Variants in AUTS2 observed in about 807,000 individuals in gnomAD.
AUTS2 encodes activator of transcription and developmental regulator AUTS2.
AUTS2 carries 17 observed loss-of-function variants against 112.4 expected under a neutral mutation model. The observed-to-expected ratio is 0.15, with a 90% CI of 0.10 to 0.23. The LOEUF (loss-of-function observed/expected upper bound fraction) is 0.23, where lower values mean the gene tolerates loss of function less well. Among genes scored for constraint, AUTS2 ranks in the 10% least tolerant of loss-of-function variants. The pLI is 1.00. For synonymous variants in AUTS2, 751 were observed against 702.7 expected (o/e 1.07, Z -1.09); for missense variants, 1,510 against 1,701.6 (o/e 0.89, Z 1.98).
chr7:69,688,322 G>GGTGC (rs1358213590), intron 1 of AUTS2, among the ~76,000 whole-genome samples: 2 of 152,146 alleles, frequency 1.3e-5, no homozygotes, highest in Admixed American at 1.3e-4. Flanking sequence ...GGTTGAATGA[G>GGTGC]GTGCTGGAAT....
At chr7:70,695,603 C>G (rs1465837898) in intron 5 of AUTS2, among the ~76,000 whole-genome samples, 2 of 152,248 alleles carry the variant, frequency 1.3e-5, no homozygotes, top group Non-Finnish European at 2.9e-5. Context: ...GGGTCTGCGT[C>G]CGAAGGGAGT....
intron 2 of AUTS2, among the ~76,000 whole-genome samples, chr7:69,975,889 T>A (rs1447992385): frequency 2.6e-5 from 4 of 152,078 alleles, no homozygotes; most frequent in African/African-American, 9.7e-5. Flanking sequence ...GGTTTCACCA[T>A]GTTGGCCAGG....
chr7:70,209,143 T>C (rs1225997635), intron 4 of AUTS2, among the ~76,000 whole-genome samples: 1 of 152,124 alleles, frequency 6.6e-6, no homozygotes, highest in East Asian at 1.9e-4. Context: ...CAGTGAAATG[T>C]AAAGTGGTTG....
chr7:70,743,767 T>C (rs1463091046), intron 6 of AUTS2, among the ~76,000 whole-genome samples: 1 of 152,196 alleles, frequency 6.6e-6, no homozygotes, highest in Non-Finnish European at 1.5e-5. Context: ...ATCTGCTTCC[T>C]CCCAGCACTG....
rs180821515 is a variant in AUTS2, at chr7:70,578,702, G to A, written c.691-119867G>A. Among the ~76,000 whole-genome samples the A allele has an allele frequency of 3.9e-5, 6 of 152,064 alleles. No individual in the cohort carries two copies. In the East Asian group the frequency reaches 1.2e-3, roughly 29 times the overall value. On this transcript the variant is annotated intron_variant, in intron 5 of 18. Coordinates refer to ENST00000342771, the MANE Select transcript of AUTS2 (RefSeq NM_015570.4). The stretch of plus-strand genomic sequence containing the variant: ...TGAGGAACGAGGCCTATTCTATACT[G>A]GGACCTACCCAAATTTTTCTTGTTT...
intron 6 of AUTS2, among the ~76,000 whole-genome samples, chr7:70,753,094 C>A (rs1055575793): frequency 6.6e-6 from 1 of 152,040 alleles, no homozygotes; most frequent in Admixed American, 6.6e-5. Flanking sequence ...CACTCAACTG[C>A]GGTGTGTTGC....
intron 5 of AUTS2, among the ~76,000 whole-genome samples, chr7:70,483,398 C>G (rs3113258): frequency 0.019 from 2,944 of 152,282 alleles, 107 homozygotes; most frequent in African/African-American, 0.067. Context: ...TTCCCTCTTC[C>G]AGAATAAACC....
At chr7:70,340,437 C>G (rs1334612686) in intron 4 of AUTS2, among the ~76,000 whole-genome samples, 1 of 152,096 alleles carries the variant, frequency 6.6e-6, no homozygotes, top group Non-Finnish European at 1.5e-5. Context: ...TTATTTCACA[C>G]TCTTCACATA....
At chr7:70,021,852 C>T (rs760533977) in intron 2 of AUTS2, among the ~76,000 whole-genome samples, 1 of 152,122 alleles carries the variant, frequency 6.6e-6, no homozygotes, top group Admixed American at 6.6e-5. Context: ...TTCAAATACA[C>T]AGGTTTATCT....
intron 1 of AUTS2, among the ~76,000 whole-genome samples, chr7:69,820,493 G>A (rs1007502774): frequency 1.3e-5 from 2 of 152,226 alleles, no homozygotes; most frequent in Non-Finnish European, 2.9e-5. Context: ...TTATGCTAAA[G>A]TTTGACAACT....
At chr7:69,888,918 A>G (rs974095321) in intron 1 of AUTS2, among the ~76,000 whole-genome samples, 3 of 152,190 alleles carry the variant, frequency 2.0e-5, no homozygotes, top group Admixed American at 6.5e-5. Context: ...CAAATAAACT[A>G]TAACAGAAAT....
chr7:69,906,379 A>G (rs1025741736), intron 2 of AUTS2, among the ~76,000 whole-genome samples: 4 of 152,222 alleles, frequency 2.6e-5, no homozygotes, highest in Admixed American at 6.5e-5. Flanking sequence ...ATGACAGGTA[A>G]TGAGTGGGAA....
intron 4 of AUTS2, among the ~76,000 whole-genome samples, chr7:70,234,371 A>G (rs1313577457): frequency 6.6e-6 from 1 of 151,648 alleles, no homozygotes; most frequent in African/African-American, 2.4e-5. Context: ...AAGTTTCTCA[A>G]CTCTTCTCTC....
At chr7:69,634,691 T>A (rs1400991286) in intron 1 of AUTS2, among the ~76,000 whole-genome samples, 1 of 152,190 alleles carries the variant, frequency 6.6e-6, no homozygotes, top group Non-Finnish European at 1.5e-5. Flanking sequence ...TGCTGGCATC[T>A]TTAAGTATTT....
rs147087581 is a variant in AUTS2 at position 69,835,782 on chromosome 7, C to T, written c.310-63504C>T. On this transcript the variant is annotated intron_variant, in intron 1 of 18. Transcript: ENST00000342771. The stretch of plus-strand genomic sequence containing the variant: ...TAGGAGGTAAGTGGTTGGAGACATT[C>T]GTTTCCTGGAATCATGTAGGACATT... 5.2e-3 allele frequency among the ~76,000 whole-genome samples: 794 copies of T among 152,238 alleles called. 7 individuals carry two copies. The highest frequency in any genetic ancestry group is 0.024 in the Admixed American group (367 of 15,296).
chr7:70,251,798 A>C (rs1786615986), intron 4 of AUTS2, among the ~76,000 whole-genome samples: 1 of 151,962 alleles, frequency 6.6e-6, no homozygotes, highest in Non-Finnish European at 1.5e-5. Context: ...AATTTTTTTA[A>C]ATTTAACTTT....
intron 1 of AUTS2, chr7:69,825,703 T>C (rs1490331668): frequency 6.6e-6 from 1 of 152,168 alleles, no homozygotes; most frequent in African/African-American, 2.4e-5. Context: ...CTAGCCTTTT[T>C]ACTTAATCCC....
chr7:70,613,535 G>A (rs1271441406), intron 5 of AUTS2, among the ~76,000 whole-genome samples: 2 of 152,140 alleles, frequency 1.3e-5, no homozygotes, highest in African/African-American at 4.8e-5. Context: ...TCAGAGGCAG[G>A]CCACAGGAGA....
intron 15 of AUTS2, chr7:70,783,577 A>T (rs1013146915): frequency 6.6e-6 from 1 of 152,240 alleles, no homozygotes; most frequent in Non-Finnish European, 1.5e-5. Flanking sequence ...TTTTTAGTAA[A>T]TTCTTTATCC....
Sources: allele counts gnomAD v4.1 joint callset (sites outside exome capture counted in the v4.1 genomes callset), GRCh38; gene constraint gnomAD v4.1.1; transcripts MANE v1.5; gene names NCBI Gene and HGNC (gene_info 2026-07-23, HGNC 2026-07-21).